Variants in KRABD5 observed in about 807,000 individuals in gnomAD.
KRABD5 encodes KRAB domain-containing protein 5.
chr16:31,751,006 G>A, the KRABD5 span, among the ~76,000 whole-genome samples: 22 of 152,198 alleles, frequency 1.4e-4, no homozygotes, highest in Admixed American at 6.5e-4. Flanking sequence ...GTGATCCACC[G>A]GCCTCGGCCT....
chr16:31,752,317 T>C, the KRABD5 span, among the ~76,000 whole-genome samples: 2 of 152,204 alleles, frequency 1.3e-5, no homozygotes, highest in African/African-American at 4.8e-5. Context: ...GTGGAATTGA[T>C]GTCTAAAATT....
At chr16:31,739,490 G>A in the KRABD5 span, among the ~76,000 whole-genome samples, 5 of 151,044 alleles carry the variant, frequency 3.3e-5, no homozygotes, top group South Asian at 2.1e-4. Flanking sequence ...CTCTTTGTTC[G>A]TAACTTTTGA....
At chr16:31,740,637 T>TA in the KRABD5 span, among the ~76,000 whole-genome samples, 1 of 150,916 alleles carries the variant, frequency 6.6e-6, no homozygotes, top group East Asian at 1.9e-4. Context: ...CTAAGATTTT[T>TA]TTTTTTTTTA....
chr16:31,723,621 G>A, the KRABD5 span, among the ~76,000 whole-genome samples: 6 of 152,176 alleles, frequency 3.9e-5, no homozygotes, highest in African/African-American at 1.4e-4. Context: ...GAGGGCCTGC[G>A]TGATCTGACT....
At chr16:31,733,218 TA>T in the KRABD5 span, among the ~76,000 whole-genome samples, 3 of 152,156 alleles carry the variant, frequency 2.0e-5, no homozygotes, top group South Asian at 2.1e-4. Context: ...TTATCTTGTA[TA>T]TTTTTTTTTC....
At chr16:31,759,676 T>C in the KRABD5 span, 1 of 292,036 alleles carries the variant, frequency 3.4e-6, no homozygotes, top group Non-Finnish European at 6.7e-6. Flanking sequence ...ATGTCTTTAA[T>C]AGCATTTGTA....
At chr16:31,741,778 T>C in the KRABD5 span, among the ~76,000 whole-genome samples, 1 of 152,194 alleles carries the variant, frequency 6.6e-6, no homozygotes, top group African/African-American at 2.4e-5. Context: ...TTTCTTTTGC[T>C]GTGCAGAAAC....
At chr16:31,718,270 A>G in the KRABD5 span, among the ~76,000 whole-genome samples, 1 of 152,168 alleles carries the variant, frequency 6.6e-6, no homozygotes, top group Non-Finnish European at 1.5e-5. Flanking sequence ...GCAACACCCA[A>G]GAATGCAGAG....
At chr16:31,737,176 A>G in the KRABD5 span, among the ~76,000 whole-genome samples, 1 of 152,224 alleles carries the variant, frequency 6.6e-6, no homozygotes, top group Non-Finnish European at 1.5e-5. Flanking sequence ...ACTCCTATTC[A>G]ACATAGTACT....
At chr16:31,726,353 A>C in the KRABD5 span, among the ~76,000 whole-genome samples, 1 of 152,196 alleles carries the variant, frequency 6.6e-6, no homozygotes, top group African/African-American at 2.4e-5. Flanking sequence ...GGTCAATATA[A>C]TACTCACTAT....
the KRABD5 span, chr16:31,733,431 T>C: frequency 2.3e-6 from 1 of 435,676 alleles, no homozygotes; most frequent in Non-Finnish European, 4.7e-6. Flanking sequence ...ATCTCAAACA[T>C]TTTTAAGTGT....
the KRABD5 span, among the ~76,000 whole-genome samples, chr16:31,751,459 A>AT: frequency 6.6e-6 from 1 of 152,164 alleles, no homozygotes; most frequent in East Asian, 1.9e-4. Context: ...TCAGTATCAG[A>AT]ACTTGATACT....
the KRABD5 span, chr16:31,733,745 G>A: frequency 9.8e-6 from 4 of 409,084 alleles, no homozygotes; most frequent in Non-Finnish European, 1.0e-5. Flanking sequence ...TTAAGGCTCA[G>A]TAATGTTCTG....
the KRABD5 span, chr16:31,714,238 C>T: frequency 2.5e-6 from 1 of 397,260 alleles, no homozygotes. Flanking sequence ...AATTAAATGA[C>T]ATGTTTCTTG....
chr16:31,758,258 A>G, the KRABD5 span: 13 of 152,312 alleles, frequency 8.5e-5, no homozygotes, highest in African/African-American at 3.1e-4. Context: ...AAGTTATGAT[A>G]GCTTTGGATT....
the KRABD5 span, among the ~76,000 whole-genome samples, chr16:31,734,500 C>T: frequency 2.0e-5 from 3 of 152,076 alleles, no homozygotes; most frequent in South Asian, 4.1e-4. Context: ...GGTGCTCCTG[C>T]TTCCGCCTCC....
chr16:31,759,569 A>T, the KRABD5 span: 1 of 717,150 alleles, frequency 1.4e-6, no homozygotes, highest in Non-Finnish European at 2.4e-6. Flanking sequence ...AAAAAATTAA[A>T]TGGGTGGGGG....
the KRABD5 span, chr16:31,759,039 T>A: frequency 2.5e-5 from 6 of 240,016 alleles, no homozygotes; most frequent in Non-Finnish European, 5.0e-5. Flanking sequence ...GTGGATATGT[T>A]AAAGATTCAT....
chr16:31,722,706 A>G, the KRABD5 span: 1 of 1,612,908 alleles, frequency 6.2e-7, no homozygotes, highest in Non-Finnish European at 8.5e-7. Flanking sequence ...AGAAGCTTTT[A>G]TATGGGGATG....
Sources: gnomAD v4.1 joint callset for allele counts (sites outside exome capture counted in the v4.1 genomes callset) on GRCh38, gnomAD v4.1.1 for gene constraint, MANE v1.5 for transcripts, NCBI Gene and HGNC (gene_info 2026-07-23, HGNC 2026-07-21) for gene names.